The following RIT2 variants were observed in gnomAD, a reference collection of about 807,000 sequenced individuals.
RIT2 encodes the protein Ras like without CAAX 2, also known as GTP-binding protein Rit2.
A neutral mutation model predicts 23.7 loss-of-function variants in RIT2; 24 were observed. The ratio of observed to expected loss-of-function variants is 1.01; its 90% CI spans 0.73 to 1.43. The LOEUF (loss-of-function observed/expected upper bound fraction) is 1.43. Among genes scored for constraint, RIT2 ranks in the 40% most tolerant of loss-of-function variants. The pLI is 0.00. For synonymous variants in RIT2, 107 were observed against 91.1 expected, an observed-to-expected ratio of 1.17 and a Z score of -0.99; for missense variants, 236 against 266.9, an observed-to-expected ratio of 0.88 and a Z score of 0.81.
intron 1 of RIT2, among the ~76,000 whole-genome samples, chr18:43,055,284 C>T (rs535479350): frequency 1.3e-5 from 2 of 152,050 alleles, no homozygotes; most frequent in African/African-American, 2.4e-5. Flanking sequence ...CTCAGCGCTC[C>T]CCATGGGGTC....
In RIT2 at chr18:42,761,112, C is replaced by T. The variant is rs114689303; in HGVS notation, c.427-17392G>A. On this transcript the variant is annotated intron_variant, in intron 4 of 4. Transcript: ENST00000326695. ...CTTTTCTCTTCAATCTGTTGAGAGACGTAGATATTGTTTCAGTTTCCTTGT... is the reference window on the plus strand; with the variant it reads ...CTTTTCTCTTCAATCTGTTGAGAGATGTAGATATTGTTTCAGTTTCCTTGT... 3.6e-3 allele frequency among the ~76,000 whole-genome samples: 548 copies of T among 152,266 alleles called. 3 individuals are homozygous for T. The highest frequency in any genetic ancestry group is 0.011 in the African/African-American group (450 of 41,556).
intron 4 of RIT2, among the ~76,000 whole-genome samples, chr18:42,885,526 C>T (rs1412514396): frequency 1.3e-5 from 2 of 152,054 alleles, no homozygotes; most frequent in Non-Finnish European, 2.9e-5. Flanking sequence ...GCAGAGCTTG[C>T]AGTGAGCCGA....
chr18:42,800,848 T>A (rs1437166665), intron 4 of RIT2, among the ~76,000 whole-genome samples: 2 of 152,078 alleles, frequency 1.3e-5, no homozygotes. Context: ...TTTCTTCTCC[T>A]CCAAACTCTC....
intron 4 of RIT2, among the ~76,000 whole-genome samples, chr18:42,774,413 A>G (rs1598648492): frequency 6.6e-6 from 1 of 152,168 alleles, no homozygotes; most frequent in East Asian, 1.9e-4. Context: ...CTTGGAGAAT[A>G]GCATACTCTC....
At chr18:42,950,754 T>A (rs1252139335) in intron 3 of RIT2, among the ~76,000 whole-genome samples, 2 of 149,740 alleles carry the variant, frequency 1.3e-5, no homozygotes, top group Non-Finnish European at 3.0e-5. Flanking sequence ...AACAGACATT[T>A]AAAAAAAAAT....
intron 1 of RIT2, among the ~76,000 whole-genome samples, chr18:43,095,439 C>A (rs532076383): frequency 2.0e-5 from 3 of 151,728 alleles, no homozygotes; most frequent in African/African-American, 7.2e-5. Flanking sequence ...ATGCAGCAAA[C>A]CAACATGGCA....
chr18:42,929,652 T>C (rs1184459092), intron 3 of RIT2, among the ~76,000 whole-genome samples: 4 of 152,024 alleles, frequency 2.6e-5, no homozygotes, highest in Non-Finnish European at 5.9e-5. Context: ...AAAGTGAAAA[T>C]GTGAGGCTAC....
chr18:42,786,091 A>C lies in RIT2; in HGVS notation c.427-42371T>G, dbSNP rs1213697725. Among the ~76,000 whole-genome samples the C allele has an allele frequency of 2.0e-5, 3 of 152,182 alleles. No homozygotes were observed. The East Asian group carries it at 5.8e-4, about 29-fold the overall frequency. On this transcript the variant is annotated intron_variant, in intron 4 of 4. Coordinates refer to ENST00000326695, the MANE Select transcript of RIT2 (RefSeq NM_002930.4). ...TGAAAAAGTGAGGTGAATGGCTCAA[A>C]TTTTTGGCACATGAGGACAGCAAAA... is the stretch of plus-strand genomic sequence containing the variant.
intron 2 of RIT2, among the ~76,000 whole-genome samples, chr18:43,019,023 C>T (rs921251367): frequency 2.6e-5 from 4 of 151,768 alleles, no homozygotes; most frequent in African/African-American, 9.7e-5. Context: ...AACAAAAAGA[C>T]AGAAATAAGT....
intron 4 of RIT2, among the ~76,000 whole-genome samples, chr18:42,914,755 A>C (rs1362468173): frequency 1.3e-5 from 2 of 151,976 alleles, no homozygotes; most frequent in Non-Finnish European, 2.9e-5. Flanking sequence ...ACACATACAC[A>C]CATGCATGAG....
At chr18:42,910,060 C>T (rs1040583721) in intron 4 of RIT2, among the ~76,000 whole-genome samples, 1 of 152,042 alleles carries the variant, frequency 6.6e-6, no homozygotes, top group African/African-American at 2.4e-5. Context: ...TTGACACCAG[C>T]AGGCAACTAC....
intron 3 of RIT2, among the ~76,000 whole-genome samples, chr18:42,928,122 C>A (rs528298891): frequency 6.6e-6 from 1 of 152,002 alleles, no homozygotes; most frequent in African/African-American, 2.4e-5. Flanking sequence ...CTTTAATAAA[C>A]CGCATGTCCA....
chr18:43,091,496 C>G (rs1913422268), intron 1 of RIT2, among the ~76,000 whole-genome samples: 1 of 151,948 alleles, frequency 6.6e-6, no homozygotes, highest in Non-Finnish European at 1.5e-5. Flanking sequence ...TACTATGGCC[C>G]CATTTGGAAA....
chr18:43,029,291 C>T (rs2144278279), intron 2 of RIT2, among the ~76,000 whole-genome samples: 1 of 152,082 alleles, frequency 6.6e-6, no homozygotes, highest in South Asian at 2.1e-4. Context: ...TCAGTTGAGT[C>T]AATTACAAGA....
chr18:43,035,926 A>G (rs1911963880), intron 1 of RIT2, among the ~76,000 whole-genome samples: 5 of 152,150 alleles, frequency 3.3e-5, no homozygotes, highest in Admixed American at 3.3e-4. Context: ...TTCTTTAACA[A>G]TGTTAAGAAT....
At chr18:42,935,673 G>A (rs1157941784) in intron 3 of RIT2, among the ~76,000 whole-genome samples, 1 of 152,128 alleles carries the variant, frequency 6.6e-6, no homozygotes, top group Non-Finnish European at 1.5e-5. Flanking sequence ...GAGGTGAGAT[G>A]TCCAGGTTCT....
At chr18:42,863,128 C>T (rs1366730023) in intron 4 of RIT2, among the ~76,000 whole-genome samples, 1 of 151,698 alleles carries the variant, frequency 6.6e-6, no homozygotes, top group African/African-American at 2.4e-5. Context: ...AATCTGGAAA[C>T]TGTAGACTAA....
At chr18:42,849,375 T>C (rs936818163) in intron 4 of RIT2, among the ~76,000 whole-genome samples, 1 of 152,232 alleles carries the variant, frequency 6.6e-6, no homozygotes, top group African/African-American at 2.4e-5. Flanking sequence ...AAATTTATTT[T>C]AGAGTCAGAT....
chr18:42,866,985 A>G (rs1373731554), intron 4 of RIT2, among the ~76,000 whole-genome samples: 1 of 152,136 alleles, frequency 6.6e-6, no homozygotes, highest in Admixed American at 6.6e-5. Context: ...CACCTTCCAA[A>G]GTGAGTAAGC....
Sources: gnomAD v4.1 joint callset for allele counts (sites outside exome capture counted in the v4.1 genomes callset) on GRCh38, gnomAD v4.1.1 for gene constraint, MANE v1.5 for transcripts, NCBI Gene and HGNC (gene_info 2026-07-23, HGNC 2026-07-21) for gene names.